MCHR2: variants seen among roughly 807,000 people sequenced by gnomAD.
MCHR2 encodes the protein melanin-concentrating hormone receptor 2.
Under a neutral mutation model 24.8 loss-of-function variants are expected in MCHR2, and 15 were observed. The ratio of observed to expected loss-of-function variants is 0.60; its 90% CI spans 0.40 to 0.93. The LOEUF (loss-of-function observed/expected upper bound fraction) is 0.93. Among genes scored for constraint, MCHR2 ranks in the 40% least tolerant of loss-of-function variants. The pLI is 0.00. For missense variants in MCHR2, 386 were observed against 408.7 expected (o/e 0.94, Z 0.48); for synonymous variants, 151 against 147.6 (o/e 1.02, Z -0.17).
chr6:99,986,811 A>G (rs1347624159), intron 1 of MCHR2, among the ~76,000 whole-genome samples: 1 of 151,222 alleles, frequency 6.6e-6, no homozygotes, highest in African/African-American at 2.4e-5. Flanking sequence ...TATTATATAC[A>G]TGGACCCTTA....
At chr6:99,966,335 A>C (rs2114558835) in intron 1 of MCHR2, among the ~76,000 whole-genome samples, 1 of 152,290 alleles carries the variant, frequency 6.6e-6, no homozygotes, top group South Asian at 2.1e-4. Context: ...TTTGAAGTAA[A>C]GGCAAATTGG....
At chr6:99,960,468 T>C (rs2114549489) in intron 1 of MCHR2, among the ~76,000 whole-genome samples, 1 of 152,190 alleles carries the variant, frequency 6.6e-6, no homozygotes, top group African/African-American at 2.4e-5. Flanking sequence ...CTTCACAGAA[T>C]TGGAAAAAAC....
chr6:99,938,816 C>A (rs990707833), intron 4 of MCHR2, among the ~76,000 whole-genome samples: 9 of 151,986 alleles, frequency 5.9e-5, no homozygotes, highest in African/African-American at 1.9e-4. Context: ...TGCATTGCAG[C>A]CCTCTCTCTC....
intron 1 of MCHR2, among the ~76,000 whole-genome samples, chr6:99,981,055 A>C (rs1775660928): frequency 6.6e-6 from 1 of 152,234 alleles, no homozygotes; most frequent in African/African-American, 2.4e-5. Context: ...CTTATAAAAT[A>C]GGAGACATTT....
intron 1 of MCHR2, among the ~76,000 whole-genome samples, chr6:99,973,080 C>T (rs199963547): frequency 2.6e-4 from 40 of 151,696 alleles, no homozygotes; most frequent in East Asian, 7.8e-4. Flanking sequence ...CTATTAGGTC[C>T]GCTTGGTGCA....
chr6:99,975,765 G>C (rs981492950), intron 1 of MCHR2, among the ~76,000 whole-genome samples: 1 of 152,218 alleles, frequency 6.6e-6, no homozygotes, highest in Admixed American at 6.5e-5. Context: ...CTTCATTTCT[G>C]CCTCTTACCC....
Position 99,921,033 on chromosome 6 carries a change from ACT to A in MCHR2, c.928_929del (p.Ser310TrpfsTer16). ...SINPFLYILL[S>X]GNFQKRLPQI... ...GAGGCAGACGTTTCTGGAAATTTCC[ACT>A]CAGCAGGATGTAGAGAAAAGGGTTA... is the stretch of plus-strand genomic sequence containing the variant. On this transcript the variant is annotated frameshift_variant, in exon 6 of 6. Transcript: ENST00000281806. LOFTEE classifies it low-confidence loss of function (END_TRUNC). 1 of 1,614,132 alleles carries A rather than the reference ACT, an allele frequency of 6.2e-7. No individual in the cohort carries two copies. Among genetic ancestry groups the A allele is most frequent in the South Asian group, 1.1e-5 (1 of 91,072 alleles).
At chr6:99,933,681 A>G (rs1445930583) in intron 5 of MCHR2, among the ~76,000 whole-genome samples, 1 of 152,146 alleles carries the variant, frequency 6.6e-6, no homozygotes, top group Non-Finnish European at 1.5e-5. Flanking sequence ...TGTAGTGTGC[A>G]GGGAAACCCA....
At chr6:99,931,599 C>T (rs939073186) in intron 5 of MCHR2, among the ~76,000 whole-genome samples, 1 of 152,124 alleles carries the variant, frequency 6.6e-6, no homozygotes, top group Non-Finnish European at 1.5e-5. Flanking sequence ...GACTGCTGTG[C>T]TAGCAATTAG....
intron 1 of MCHR2, among the ~76,000 whole-genome samples, chr6:99,967,422 T>C (rs1461370357): frequency 6.6e-6 from 1 of 152,148 alleles, no homozygotes; most frequent in Non-Finnish European, 1.5e-5. Flanking sequence ...GATGCAGAGA[T>C]TAAATCAAAA....
intron 2 of MCHR2, among the ~76,000 whole-genome samples, chr6:99,953,292 G>A (rs1038785560): frequency 6.6e-6 from 1 of 152,024 alleles, no homozygotes; most frequent in African/African-American, 2.4e-5. Context: ...ATTTCGGAAG[G>A]GCTAACACCT....
chr6:99,946,688 TAAC>T (rs2073760003), intron 3 of MCHR2, among the ~76,000 whole-genome samples: 1 of 152,062 alleles, frequency 6.6e-6, no homozygotes. Flanking sequence ...AGACAATAAA[TAAC>T]ACACACACAC....
rs1774199211 is a variant in MCHR2 at position 99,920,407 on chromosome 6, A to G, written c.*533T>C. ...ACAGGTTTGTTACATGTAATCTTAC[A>G]CATTGCATGTGTGCAATAAATGGTA... is the stretch of plus-strand genomic sequence containing the variant. On this transcript the variant is annotated 3_prime_UTR_variant, in exon 6 of 6. Coordinates refer to ENST00000281806, the MANE Select transcript of MCHR2 (RefSeq NM_001040179.2). 1 of 154,424 alleles carries G rather than the reference A, an allele frequency of 6.5e-6. No homozygotes were observed. Among genetic ancestry groups the G allele is most frequent in the Non-Finnish European group, 1.4e-5 (1 of 69,422 alleles). The allele number at this position is 154,424 out of a possible 1,614,324, so 9.6% of individuals were successfully genotyped here.
At chr6:99,938,782 T>C (rs574267134) in intron 4 of MCHR2, among the ~76,000 whole-genome samples, 1 of 152,142 alleles carries the variant, frequency 6.6e-6, no homozygotes, top group Non-Finnish European at 1.5e-5. Flanking sequence ...CAGAGAATGG[T>C]GTGTTAAAAT....
chr6:99,924,437 C>A (rs1774307305), intron 5 of MCHR2, among the ~76,000 whole-genome samples: 1 of 151,658 alleles, frequency 6.6e-6, no homozygotes, highest in Non-Finnish European at 1.5e-5. Context: ...TTGTTTCTTT[C>A]TTCTAATTTT....
chr6:99,926,023 C>A (rs1774348839), intron 5 of MCHR2, among the ~76,000 whole-genome samples: 1 of 151,880 alleles, frequency 6.6e-6, no homozygotes, highest in South Asian at 2.1e-4. Context: ...TGTGATGTTC[C>A]CCTTCCTGTG....
At chr6:99,928,551 C>T (rs1258277287) in intron 5 of MCHR2, among the ~76,000 whole-genome samples, 3 of 152,084 alleles carry the variant, frequency 2.0e-5, no homozygotes, top group African/African-American at 7.2e-5. Flanking sequence ...CAACTTCTTC[C>T]TGGTTTAGTC....
intron 4 of MCHR2, among the ~76,000 whole-genome samples, chr6:99,935,020 A>G (rs1042950898): frequency 2.0e-5 from 3 of 152,056 alleles, no homozygotes; most frequent in Non-Finnish European, 2.9e-5. Context: ...AGGATAGCCA[A>G]TGATGGTGGG....
chr6:99,943,324 TTTTA>T (rs1013128901), intron 3 of MCHR2, among the ~76,000 whole-genome samples, 181 bp from the exon 4 acceptor site: 40 of 150,500 alleles, frequency 2.7e-4, no homozygotes, highest in South Asian at 4.2e-4. Flanking sequence ...TTTTTTAAAT[TTTTA>T]TTTATTTATT....
Sources: gnomAD v4.1 joint callset for allele counts (sites outside exome capture counted in the v4.1 genomes callset) on GRCh38, gnomAD v4.1.1 for gene constraint, MANE v1.5 for transcripts, NCBI Gene and HGNC (gene_info 2026-07-23, HGNC 2026-07-21) for gene names.